CFAP299: variants seen among roughly 807,000 people sequenced by gnomAD.
CFAP299 encodes the protein cilia and flagella associated protein 299.
CFAP299 carries 21 observed loss-of-function variants against 27.0 expected under a neutral mutation model. That is an observed-to-expected ratio of 0.78 (90% CI 0.55 to 1.12). The LOEUF is 1.12. Among genes scored for constraint, CFAP299 ranks in the 50% most tolerant of loss-of-function variants. The pLI is 0.00. For missense variants in CFAP299, 310 were observed against 276.6 expected, an observed-to-expected ratio of 1.12 and a Z score of -0.86; for synonymous variants, 104 against 98.1, an observed-to-expected ratio of 1.06 and a Z score of -0.36.
chr4:80,654,272 G>A (rs770268718), intron 3 of CFAP299, among the ~76,000 whole-genome samples: 4 of 152,048 alleles, frequency 2.6e-5, no homozygotes, highest in African/African-American at 9.7e-5. Context: ...ATGCCCTCAG[G>A]ATAAAGGCAC....
Position 80,390,505 on chromosome 4 carries a change from A to ATATGTATATATG in CFAP299, c.242+27624_242+27625insGTATATATGTAT, listed in dbSNP as rs1249800899. ...TCTCTCTCTCTCTATATATATGTATATATACACACATATATGTATATATGT... is the reference window on the plus strand; with the variant it reads ...TCTCTCTCTCTCTATATATATGTATATATGTATATATGTATACACACATATATGTATATATGT... On this transcript the variant is annotated intron_variant, in intron 2 of 5. Transcript: ENST00000358105. 2.1e-3 allele frequency among the ~76,000 whole-genome samples: 164 copies of ATATGTATATATG among 79,012 alleles called. 8 individuals are homozygous for ATATGTATATATG. The highest frequency in any genetic ancestry group is 9.2e-3 in the African/African-American group (134 of 14,506). The allele number at this position is 79,012 out of a possible 152,430, so 51.8% of individuals were successfully genotyped here.
the CFAP299 span, among the ~76,000 whole-genome samples, chr4:80,324,235 G>A: frequency 1.3e-5 from 2 of 152,002 alleles, no homozygotes; most frequent in East Asian, 1.9e-4. Context: ...CTCAGGAATC[G>A]GTTTTATGCT....
In CFAP299 at chr4:80,727,869, A is replaced by G. The variant is rs573335295; in HGVS notation, c.334-142124A>G. On this transcript the variant is annotated intron_variant, in intron 3 of 5. Coordinates refer to ENST00000358105, the MANE Select transcript of CFAP299 (RefSeq NM_152770.3). ...ACAAATATGAACTATTTGGTAATATATATTAGGAAATTCTTCATACTGTTA... is the reference window on the plus strand; with the variant it reads ...ACAAATATGAACTATTTGGTAATATGTATTAGGAAATTCTTCATACTGTTA... Among the ~76,000 whole-genome samples, 15 of 151,962 alleles carry G rather than the reference A, an allele frequency of 9.9e-5. No individual in the cohort carries two copies. The East Asian group carries it at 2.9e-3, about 29-fold the overall frequency.
chr4:80,624,703 A>T (rs1408129530), intron 3 of CFAP299, among the ~76,000 whole-genome samples: 1 of 152,076 alleles, frequency 6.6e-6, no homozygotes, highest in Non-Finnish European at 1.5e-5. Flanking sequence ...ACTGTCAAAA[A>T]TCAATGAGGA....
intron 3 of CFAP299, among the ~76,000 whole-genome samples, chr4:80,857,230 C>T (rs1181943498): frequency 6.6e-6 from 1 of 152,116 alleles, no homozygotes; most frequent in Non-Finnish European, 1.5e-5. Flanking sequence ...TATAAGAATG[C>T]TTGTGATTTT....
intron 2 of CFAP299, among the ~76,000 whole-genome samples, chr4:80,551,929 A>G (rs1422392394): frequency 5.3e-5 from 8 of 151,958 alleles, no homozygotes; most frequent in South Asian, 2.1e-4. Flanking sequence ...TTGTATTTTC[A>G]GTAGAGACAG....
intron 3 of CFAP299, among the ~76,000 whole-genome samples, chr4:80,752,532 T>G (rs1207439900): frequency 6.7e-6 from 1 of 150,106 alleles, no homozygotes; most frequent in Non-Finnish European, 1.5e-5. Flanking sequence ...ATTTATGTCT[T>G]TATACTTAAG....
chr4:80,619,003 G>A (rs1366664619), intron 3 of CFAP299, among the ~76,000 whole-genome samples: 5 of 152,056 alleles, frequency 3.3e-5, no homozygotes, highest in African/African-American at 1.2e-4. Context: ...TTACTTAAGG[G>A]ATCTTTGGCT....
intron 3 of CFAP299, among the ~76,000 whole-genome samples, chr4:80,638,695 T>C (rs1739576055): frequency 6.6e-6 from 1 of 152,186 alleles, no homozygotes; most frequent in African/African-American, 2.4e-5. Flanking sequence ...AGTTCTATTA[T>C]TCTCTTTTAG....
At chr4:80,866,059 TTATATATATA>T (rs70956073) in intron 3 of CFAP299, among the ~76,000 whole-genome samples, 1,592 of 58,376 alleles carry the variant, frequency 0.027, 120 homozygotes, top group East Asian at 0.2. Context: ...ACTTAAAGTA[TTATATATATA>T]TATATATATA....
Position 80,504,752 on chromosome 4 carries a change from G to A in CFAP299, c.243-78341G>A, listed in dbSNP as rs1022957778. Among the ~76,000 whole-genome samples, 3 of 148,130 alleles carry A rather than the reference G, an allele frequency of 2.0e-5. No individual in the cohort carries two copies. In the East Asian group the frequency reaches 5.9e-4, roughly 29 times the overall value. On this transcript the variant is annotated intron_variant, in intron 2 of 5. Transcript: ENST00000358105. ...TAGTGAGGTTAAGGGTATATGGGTT[G>A]AGAAGATGGTAGCATGTGGTTACCA...
At chr4:80,432,762 T>A (rs2110079851) in intron 2 of CFAP299, among the ~76,000 whole-genome samples, 1 of 151,964 alleles carries the variant, frequency 6.6e-6, no homozygotes, top group South Asian at 2.1e-4. Flanking sequence ...GATCTTCTAA[T>A]CCACCCACCT....
intron 2 of CFAP299, among the ~76,000 whole-genome samples, chr4:80,433,080 C>A (rs115369067): frequency 1.7e-3 from 256 of 152,146 alleles, no homozygotes; most frequent in African/African-American, 5.9e-3. Context: ...TGTGGCATGG[C>A]AGATATTGAA....
At chr4:80,486,751 G>T (rs1299133501) in intron 2 of CFAP299, among the ~76,000 whole-genome samples, 1 of 152,166 alleles carries the variant, frequency 6.6e-6, no homozygotes, top group Non-Finnish European at 1.5e-5. Context: ...CCTCTGCCTG[G>T]GTAGCTCTAA....
At chr4:80,858,162 C>A (rs1231039568) in intron 3 of CFAP299, among the ~76,000 whole-genome samples, 1 of 152,172 alleles carries the variant, frequency 6.6e-6, no homozygotes, top group Non-Finnish European at 1.5e-5. Context: ...AGGAATTTAT[C>A]CATTTCTTCT....
At chr4:80,680,426 T>A (rs997294135) in intron 3 of CFAP299, among the ~76,000 whole-genome samples, 1 of 152,194 alleles carries the variant, frequency 6.6e-6, no homozygotes, top group Admixed American at 6.6e-5. Context: ...ATCTGGATAT[T>A]TCCTTAGAAC....
chr4:80,462,696 C>T (rs1389329612), intron 2 of CFAP299, among the ~76,000 whole-genome samples: 1 of 152,146 alleles, frequency 6.6e-6, no homozygotes, highest in African/African-American at 2.4e-5. Flanking sequence ...CAAACCTCTG[C>T]CCAGCTTCAG....
chr4:80,391,831 G>C (rs1725499495), intron 2 of CFAP299, among the ~76,000 whole-genome samples: 1 of 152,118 alleles, frequency 6.6e-6, no homozygotes, highest in Non-Finnish European at 1.5e-5. Context: ...GCCAGGCATG[G>C]TGGGACATGC....
intron 3 of CFAP299, among the ~76,000 whole-genome samples, chr4:80,600,775 A>G (rs901536625): frequency 4.0e-4 from 61 of 152,260 alleles, no homozygotes; most frequent in Non-Finnish European, 6.9e-4. Context: ...TTTCTGGGAC[A>G]TGGATTTACA....
Sources: allele counts gnomAD v4.1 joint callset (sites outside exome capture counted in the v4.1 genomes callset), GRCh38; gene constraint gnomAD v4.1.1; transcripts MANE v1.5; gene names NCBI Gene and HGNC (gene_info 2026-07-23, HGNC 2026-07-21).